The following CLPTM1 variants were observed in gnomAD, a reference collection of about 807,000 sequenced individuals.
CLPTM1 encodes the protein putative lipid scramblase CLPTM1.
In CLPTM1, 21 loss-of-function variants were observed where a neutral mutation model predicts 77.3. The observed-to-expected ratio is 0.27, with a 90% CI of 0.19 to 0.39. CLPTM1 has a LOEUF of 0.39. CLPTM1 is among the 10% of genes least tolerant of loss of function. The pLI is 1.00. For synonymous variants in CLPTM1, 373 were observed against 381.0 expected, an observed-to-expected ratio of 0.98 and a Z score of 0.24; for missense variants, 642 against 921.2, an observed-to-expected ratio of 0.70 and a Z score of 3.92.
intron 1 of CLPTM1, 149 bp from the exon 2 acceptor site, chr19:44,961,814 C>T: frequency 4.0e-6 from 2 of 499,112 alleles, no homozygotes; most frequent in Non-Finnish European, 7.1e-6. Context: ...GAGGACCGCA[C>T]CTTCCCAGGT....
At chr19:44,980,524 A>AG (rs1439304222) in intron 5 of CLPTM1, among the ~76,000 whole-genome samples, 4 of 150,724 alleles carry the variant, frequency 2.7e-5, no homozygotes, top group African/African-American at 9.8e-5. Context: ...AAAAAAAAAA[A>AG]AAAGAAAAGA....
intron 2 of CLPTM1, among the ~76,000 whole-genome samples, chr19:44,969,201 A>T (rs1437696117): frequency 6.6e-6 from 1 of 152,180 alleles, no homozygotes; most frequent in African/African-American, 2.4e-5. Flanking sequence ...CACGCTATAT[A>T]AACATATATA....
At chr19:44,970,917 T>C (rs1373905511) in intron 2 of CLPTM1, among the ~76,000 whole-genome samples, 1 of 145,414 alleles carries the variant, frequency 6.9e-6, no homozygotes, top group East Asian at 1.9e-4. Flanking sequence ...TGCAACCTCC[T>C]TCTCCTGGGT....
Position 44,961,837 on chromosome 19 carries a change from T to G in CLPTM1, c.73-126T>G, listed in dbSNP as rs535614456. 7.5e-6 allele frequency: 4 copies of G among 532,904 alleles called. No homozygotes were observed. In the Admixed American group the frequency reaches 1.5e-4, roughly 20 times the overall value. The allele number at this position is 532,904 out of a possible 1,614,324, so 33.0% of individuals were successfully genotyped here. A position where few individuals can be genotyped will look rare whatever the true frequency, so the allele number is the denominator to read the frequency against. On this transcript the variant is annotated intron_variant, in intron 1 of 13. Transcript: ENST00000337392. ...CACCTTCCCAGGTGTTTTCACTGAT[T>G]CATTCTCCAGTTATTGATAAGCACC...
chr19:44,967,655 C>CT (rs1420766437), intron 2 of CLPTM1, among the ~76,000 whole-genome samples: 6,236 of 115,044 alleles, frequency 0.054, 432 homozygotes, highest in African/African-American at 0.18. Context: ...GAAACTCTGT[C>CT]CCAAAAAAAA....
At chr19:44,974,026 C>A (rs1258642197) in intron 3 of CLPTM1, among the ~76,000 whole-genome samples, 7 of 152,014 alleles carry the variant, frequency 4.6e-5, no homozygotes, top group Non-Finnish European at 1.0e-4. Flanking sequence ...GGCCTCCCAA[C>A]GTGCTGGGAT....
In CLPTM1 at chr19:44,987,187, T is replaced by C; in HGVS notation, c.802T>C (p.Phe268Leu). The change falls in exon 8 of 14, where the codon TTC (phenylalanine) becomes CTC (leucine). Residue 268 changes from phenylalanine to leucine, a missense_variant. Phe to Leu is a conservative substitution (Grantham distance 22). Transcript: ENST00000337392. ...VPPPLDQYVK[F>L]DAVSGDYYPI... ...TGCCCCACGTGCTGCAGATGTGAAG[T>C]TCGACGCCGTGAGCGGTGACTACTA... 6.2e-7 allele frequency: 1 copy of C among 1,608,976 alleles called. No homozygotes were observed. The highest frequency in any genetic ancestry group is 8.5e-7 in the Non-Finnish European group (1 of 1,175,864).
intron 2 of CLPTM1, among the ~76,000 whole-genome samples, chr19:44,966,589 T>C (rs1430805965): frequency 1.3e-5 from 2 of 152,102 alleles, no homozygotes; most frequent in Non-Finnish European, 2.9e-5. Context: ...TGCTGACATC[T>C]CAGCCCTGCC....
At chr19:44,955,597 G>C in intron 1 of CLPTM1, 130 bp downstream of exon 1, 1 of 948,070 alleles carries the variant, frequency 1.1e-6, no homozygotes, top group Non-Finnish European at 1.4e-6. Context: ...TTGAATACCC[G>C]GCCCAGGCAG....
Position 44,986,435 on chromosome 19 carries a change from T to C in CLPTM1, c.673-20T>C. 1 of 1,612,818 alleles carries C rather than the reference T, an allele frequency of 6.2e-7. No homozygotes were observed. The highest frequency in any genetic ancestry group is 8.5e-7 in the Non-Finnish European group (1 of 1,179,254). Reference sequence around the variant, plus strand: ...GCACTTCCACCTGCCTCTGAGGTCCTTCCCCCCATGTTGCCTCAGAGGGCT... The same window carrying C: ...GCACTTCCACCTGCCTCTGAGGTCCCTCCCCCCATGTTGCCTCAGAGGGCT... On this transcript the variant is annotated intron_variant, in intron 6 of 13. Coordinates refer to ENST00000337392, the MANE Select transcript of CLPTM1 (RefSeq NM_001294.4).
chr19:44,979,933 G>A (rs566609843), intron 5 of CLPTM1, among the ~76,000 whole-genome samples: 18 of 152,258 alleles, frequency 1.2e-4, no homozygotes, highest in African/African-American at 4.1e-4. Flanking sequence ...CTTGTACCCC[G>A]TTTGACGATC....
At position 44,979,826 on chromosome 19, in the gene CLPTM1, T is replaced by G. The variant is rs145710648; in HGVS notation, c.586+2366T>G. 3.1e-3 allele frequency among the ~76,000 whole-genome samples: 475 copies of G among 152,246 alleles called. 3 individuals are homozygous for G. The highest frequency in any genetic ancestry group is 6.8e-3 in the Middle Eastern group (2 of 294). On this transcript the variant is annotated intron_variant, in intron 5 of 13. Coordinates refer to ENST00000337392, the MANE Select transcript of CLPTM1 (RefSeq NM_001294.4). ...CTACAGGGTTGGTCTCACAGATGTT[T>G]CCCTGCAGGGGGATACGTCAGGGGT...
intron 2 of CLPTM1, among the ~76,000 whole-genome samples, chr19:44,968,011 C>T (rs1239864079): frequency 2.0e-5 from 3 of 152,298 alleles, no homozygotes; most frequent in Non-Finnish European, 4.4e-5. Context: ...TTCATTTTTA[C>T]ATAAGAGGTA....
In CLPTM1 at chr19:44,992,640, C is replaced by A. The variant is rs774349610; in HGVS notation, c.1753C>A (p.Arg585=). ...DVVFFIYLYQ[R]WIYRVDPTRV... ...GGTTTTCTTCATCTACCTCTACCAA[C>A]GGTGGATCTACCGCGTCGACCCCAC... Residue 585 remains arginine (R), a synonymous_variant, in exon 14 of 14, where the codon CGG becomes AGG. Transcript: ENST00000337392. This position sits in a 1 kb window ranked among gnomAD's most constrained non-coding sequence, Gnocchi z 7.7. The A allele has an allele frequency of 6.2e-7, 1 of 1,613,950 alleles. No homozygotes were observed. The highest frequency in any genetic ancestry group is 8.5e-7 in the Non-Finnish European group (1 of 1,179,952).
intron 7 of CLPTM1, 147 bp downstream of exon 7, chr19:44,986,722 C>T: frequency 1.9e-6 from 2 of 1,045,760 alleles, no homozygotes; most frequent in South Asian, 3.4e-5. Flanking sequence ...TATCCCCTTC[C>T]CATGTCCTCT....
At chr19:44,956,258 G>A (rs2122226621) in intron 1 of CLPTM1, among the ~76,000 whole-genome samples, 1 of 152,276 alleles carries the variant, frequency 6.6e-6, no homozygotes, top group Admixed American at 6.5e-5. Flanking sequence ...GGGTTGAGAG[G>A]GGAGAATGAA....
At chr19:44,975,375 A>C (rs987453342) in intron 4 of CLPTM1, among the ~76,000 whole-genome samples, 4 of 152,216 alleles carry the variant, frequency 2.6e-5, no homozygotes, top group African/African-American at 9.6e-5. Flanking sequence ...GTGCAGAATC[A>C]GCAAGTATTG....
upstream of CLPTM1, chr19:44,955,267 T>G: frequency 6.8e-7 from 1 of 1,465,176 alleles, no homozygotes; most frequent in Non-Finnish European, 9.0e-7. Flanking sequence ...CTGAGAGGCG[T>G]GGCTGCGGCA....
intron 2 of CLPTM1, among the ~76,000 whole-genome samples, chr19:44,967,867 G>A (rs997899415): frequency 6.6e-6 from 1 of 152,066 alleles, no homozygotes; most frequent in East Asian, 1.9e-4. Flanking sequence ...TCAGTCATGC[G>A]CCCCTGTCCC....
Sources: gnomAD v4.1 joint callset for allele counts (sites outside exome capture counted in the v4.1 genomes callset) on GRCh38, gnomAD v4.1.1 for gene constraint, Gnocchi (gnomAD v3.1) non-coding constraint, MANE v1.5 for transcripts, NCBI Gene and HGNC (gene_info 2026-07-23, HGNC 2026-07-21) for gene names.